SLC44A3: variants seen among roughly 807,000 people sequenced by gnomAD.
The protein encoded by SLC44A3 is solute carrier family 44 member 3.
In SLC44A3, 74 loss-of-function variants were observed where a neutral mutation model predicts 75.4. That is an observed-to-expected ratio of 0.98 (90% CI 0.81 to 1.19). SLC44A3 has a LOEUF of 1.19. SLC44A3 is among the 50% of genes most tolerant of loss of function. SLC44A3 has a pLI of 0.00. For missense variants in SLC44A3, 700 were observed against 778.6 expected, an observed-to-expected ratio of 0.90 and a Z score of 1.20; for synonymous variants, 310 against 296.9, an observed-to-expected ratio of 1.04 and a Z score of -0.45.
At chr1:94,846,145 T>G (rs1016693426) in intron 9 of SLC44A3, among the ~76,000 whole-genome samples, 1 of 50,018 alleles carries the variant, frequency 2.0e-5, no homozygotes, top group Non-Finnish European at 4.5e-5. Flanking sequence ...AGACTCTGTC[T>G]CAAAAAAAAA....
chr1:94,853,782 G>A (rs1021404963), intron 9 of SLC44A3, among the ~76,000 whole-genome samples: 2 of 152,066 alleles, frequency 1.3e-5, no homozygotes, highest in African/African-American at 4.8e-5. Flanking sequence ...AAAACAGTTG[G>A]GCAGAAGAAG....
intron 12 of SLC44A3, among the ~76,000 whole-genome samples, chr1:94,879,243 G>T (rs909275272): frequency 6.6e-6 from 1 of 151,838 alleles, no homozygotes; most frequent in Admixed American, 6.6e-5. Context: ...TTTAAAATGG[G>T]CAAAGGACGG....
intron 12 of SLC44A3, among the ~76,000 whole-genome samples, chr1:94,877,760 T>C (rs969203922): frequency 4.6e-5 from 7 of 152,186 alleles, no homozygotes; most frequent in African/African-American, 1.7e-4. Flanking sequence ...TCTCCTGCCT[T>C]CTACAGAATG....
intron 9 of SLC44A3, among the ~76,000 whole-genome samples, chr1:94,856,467 TTGAAA>T (rs1267876674): frequency 6.6e-6 from 1 of 152,212 alleles, no homozygotes; most frequent in Non-Finnish European, 1.5e-5. Context: ...GAGTTTGCTC[TTGAAA>T]TGAAATCTGA....
At chr1:94,880,192 C>T (rs1452099678) in intron 12 of SLC44A3, among the ~76,000 whole-genome samples, 10 of 152,178 alleles carry the variant, frequency 6.6e-5, no homozygotes, top group Non-Finnish European at 1.5e-4. Flanking sequence ...CAAAAGAATT[C>T]GAAGCGGGAT....
In SLC44A3 at chr1:94,892,452, G is replaced by T. The variant is rs1670324432; in HGVS notation, c.1792G>T (p.Ala598Ser). The T allele has an allele frequency of 6.2e-7, 1 of 1,613,944 alleles. No individual in the cohort carries two copies. The highest frequency in any genetic ancestry group is 1.3e-5 in the African/African-American group (1 of 74,854). ...TVLDALFLCF[A>S]VDLETNDGSS... is the part of the protein sequence containing the mutation. ...GCTGGATGCACTTTTCCTGTGTTTT[G>T]CTGTTGATCTGGAAACAAATGATGG... The change falls in exon 14 of 15, where the codon GCT (alanine) becomes TCT (serine). Residue 598 changes from alanine (A) to serine (S), a missense_variant. Ala to Ser is a moderately conservative substitution (Grantham distance 99). Transcript: ENST00000271227.
chr1:94,858,152 C>T (rs1336614524), intron 10 of SLC44A3, among the ~76,000 whole-genome samples: 1 of 151,982 alleles, frequency 6.6e-6, no homozygotes, highest in Non-Finnish European at 1.5e-5. Flanking sequence ...GTGGAACTCC[C>T]CTATGAATAT....
intron 14 of SLC44A3, among the ~76,000 whole-genome samples, chr1:94,894,283 C>T (rs1456574990): frequency 6.6e-6 from 1 of 152,106 alleles, no homozygotes; most frequent in African/African-American, 2.4e-5. Context: ...CTGAAGAAGC[C>T]TCAAGAACTC....
intron 10 of SLC44A3, among the ~76,000 whole-genome samples, chr1:94,863,552 G>A (rs899988872): frequency 1.3e-5 from 2 of 152,144 alleles, no homozygotes; most frequent in African/African-American, 2.4e-5. Flanking sequence ...AAAGAAAAAT[G>A]AGGGAAGGGA....
chr1:94,856,799 C>T (rs566296899), intron 9 of SLC44A3, among the ~76,000 whole-genome samples: 2 of 152,094 alleles, frequency 1.3e-5, no homozygotes, highest in East Asian at 1.9e-4. Flanking sequence ...GGCGTGATCT[C>T]GGCTCACTCC....
At chr1:94,885,884 G>C (rs943769574) in intron 12 of SLC44A3, among the ~76,000 whole-genome samples, 1 of 152,158 alleles carries the variant, frequency 6.6e-6, no homozygotes, top group Non-Finnish European at 1.5e-5. Context: ...TTGCACACCT[G>C]CCTACTGACT....
chr1:94,887,342 T>A (rs1179538485), intron 12 of SLC44A3, among the ~76,000 whole-genome samples: 4 of 144,690 alleles, frequency 2.8e-5, no homozygotes, highest in African/African-American at 4.9e-5. Flanking sequence ...CTCCTCCCCC[T>A]ATTCATTCAG....
At chr1:94,868,824 C>G (rs911108347) in intron 12 of SLC44A3, among the ~76,000 whole-genome samples, 2 of 152,284 alleles carry the variant, frequency 1.3e-5, no homozygotes, top group African/African-American at 4.8e-5. Context: ...GTTATCCCCT[C>G]TCACTGTACT....
intron 2 of SLC44A3, 130 bp downstream of exon 2, chr1:94,821,186 A>T (rs1571127018): frequency 4.0e-6 from 3 of 745,578 alleles, no homozygotes; most frequent in East Asian, 5.6e-5. Context: ...AATAAACATC[A>T]GTTTGTACTC....
intron 9 of SLC44A3, 88 bp from the exon 10 acceptor site, chr1:94,857,247 G>T (rs1021838769): frequency 7.4e-6 from 10 of 1,358,402 alleles, no homozygotes; most frequent in Non-Finnish European, 9.8e-6. Context: ...AATGCCAAAG[G>T]CCAAGCATAA....
At chr1:94,864,390 A>C (rs72718253) in intron 10 of SLC44A3, among the ~76,000 whole-genome samples, 4,965 of 152,280 alleles carry the variant, frequency 0.033, 91 homozygotes, top group African/African-American at 0.053. Context: ...CTCCTGTGTA[A>C]GTTAAACCTT....
In SLC44A3 at chr1:94,827,599, A is replaced by G. The variant is rs967540189; in HGVS notation, c.371A>G (p.Gln124Arg). 2 of 1,614,232 alleles carry G rather than the reference A, an allele frequency of 1.2e-6. No homozygotes were observed. The highest frequency in any genetic ancestry group is 1.7e-6 in the Non-Finnish European group (2 of 1,180,038). Residue 124 changes from glutamine to arginine, a missense_variant, in exon 4 of 15, where the codon CAG becomes CGG. Transcript: ENST00000271227. ...TGTGTATCCAACTGCCCTGAAGAGCAGCTTGACTCCCTGGAAGAGGTCCAG... is the reference window on the plus strand; with the variant it reads ...TGTGTATCCAACTGCCCTGAAGAGCGGCTTGACTCCCTGGAAGAGGTCCAG... ...ALCVSNCPEE[Q>R]LDSLEEVQFF...
rs139508251 is a variant in SLC44A3, at chr1:94,867,976, C to T, written c.1482+559C>T. Among the ~76,000 whole-genome samples the T allele has an allele frequency of 1.1e-3, 165 of 152,256 alleles. No homozygotes were observed. In the East Asian group the frequency reaches 0.03, roughly 28 times the overall value. On this transcript the variant is annotated intron_variant, in intron 12 of 14. Coordinates refer to ENST00000271227, the MANE Select transcript of SLC44A3 (RefSeq NM_001114106.3). ...TAATTTTCAGTGTCTTCTCTAAGAA[C>T]TATAATTTTCCTGAACTAGGAAAAG...
At chr1:94,867,969 C>CT (rs1005447612) in intron 12 of SLC44A3, among the ~76,000 whole-genome samples, 4 of 152,268 alleles carry the variant, frequency 2.6e-5, no homozygotes, top group South Asian at 2.1e-4. Flanking sequence ...AGTGTCTTCT[C>CT]TAAGAACTAT....
Sources: gnomAD v4.1 joint callset for allele counts (sites outside exome capture counted in the v4.1 genomes callset) on GRCh38, gnomAD v4.1.1 for gene constraint, MANE v1.5 for transcripts, NCBI Gene and HGNC (gene_info 2026-07-23, HGNC 2026-07-21) for gene names.